ADAM12: variants seen among roughly 807,000 people sequenced by gnomAD.
ADAM12 encodes the protein ADAM metallopeptidase domain 12.
In ADAM12, 70 loss-of-function variants were observed where a neutral mutation model predicts 106.4. The observed-to-expected ratio is 0.66, with a 90% CI of 0.54 to 0.80. The LOEUF is 0.80. Ranked by LOEUF, ADAM12 falls within the 30% of genes least tolerant of loss-of-function variation. The pLI is 0.00. For missense variants in ADAM12, 1,010 were observed against 1,171.9 expected, an observed-to-expected ratio of 0.86 and a Z score of 2.02; for synonymous variants, 420 against 433.5, an observed-to-expected ratio of 0.97 and a Z score of 0.39.
At chr10:126,319,991 G>T (rs1390583207) in intron 2 of ADAM12, among the ~76,000 whole-genome samples, 2 of 152,108 alleles carry the variant, frequency 1.3e-5, no homozygotes, top group Admixed American at 6.5e-5. Context: ...CCATTTACGT[G>T]TGGTGCCCAC....
At chr10:126,039,212 G>C in intron 19 of ADAM12, 82 bp downstream of exon 19, 1 of 1,531,058 alleles carries the variant, frequency 6.5e-7, no homozygotes, top group Non-Finnish European at 8.9e-7. Flanking sequence ...CTCCCAAAGT[G>C]CTGGGATTAC....
intron 3 of ADAM12, among the ~76,000 whole-genome samples, chr10:126,249,325 T>TG (rs1958696940): frequency 6.6e-6 from 1 of 152,026 alleles, no homozygotes; most frequent in Non-Finnish European, 1.5e-5. Flanking sequence ...GCAGTCTAGG[T>TG]GGGGGTTGGT....
In ADAM12 at chr10:126,049,821, G is replaced by A; in HGVS notation, c.1610-152C>T. On this transcript the variant is annotated intron_variant, in intron 14 of 22. Transcript: ENST00000448723. This position sits in a 1 kb window ranked among gnomAD's most constrained non-coding sequence, Gnocchi z 4.4. ...TCATGGTGGGAGCTGGCCAGGGGAA[G>A]CCTAGGGTGTCAGCAGCTCGCATCC... The A allele has an allele frequency of 4.4e-6, 3 of 686,382 alleles. No individual in the cohort carries two copies. The South Asian group carries it at 5.7e-5, about 13-fold the overall frequency. The allele number at this position is 686,382 out of a possible 1,614,324, so 42.5% of individuals were successfully genotyped here. A position where few individuals can be genotyped will look rare whatever the true frequency, so the allele number is the denominator to read the frequency against.
chr10:126,255,958 T>A (rs1958883132), intron 3 of ADAM12, among the ~76,000 whole-genome samples: 1 of 152,148 alleles, frequency 6.6e-6, no homozygotes, highest in African/African-American at 2.4e-5. Flanking sequence ...TGGGTGCCCA[T>A]GGGCATCTCG....
At chr10:126,237,727 G>T (rs528556208) in intron 3 of ADAM12, among the ~76,000 whole-genome samples, 1 of 152,090 alleles carries the variant, frequency 6.6e-6, no homozygotes, top group Non-Finnish European at 1.5e-5. Context: ...CCAATCACAC[G>T]CTGACAATCA....
chr10:126,015,737 A>G lies in ADAM12; in HGVS notation c.*1542T>C, dbSNP rs1953650465. ...CATAGGAAAACTGTTGACCCCCAAA[A>G]GAAGGCTTTCTCATAAAACACTCAG... On this transcript the variant is annotated 3_prime_UTR_variant, in exon 23 of 23. Coordinates refer to ENST00000448723, the MANE Select transcript of ADAM12 (RefSeq NM_001288973.2). 1 of 152,234 alleles carries G rather than the reference A, an allele frequency of 6.6e-6. No homozygotes were observed. Among genetic ancestry groups the G allele is most frequent in the African/African-American group, 2.4e-5 (1 of 41,464 alleles). 9.4% of individuals were successfully genotyped at this position (152,234 alleles called of 1,614,324 possible).
chr10:126,182,953 T>C (rs1957340431), intron 3 of ADAM12, among the ~76,000 whole-genome samples: 1 of 152,144 alleles, frequency 6.6e-6, no homozygotes, highest in Admixed American at 6.5e-5. Flanking sequence ...CAGCAGGAGG[T>C]GAGTGAAGCT....
At position 126,014,652 on chromosome 10, in the gene ADAM12, GACAA is replaced by G. The variant is rs1008157623; in HGVS notation, c.*2623_*2626del. ...AAAACAAACTTAAAAAATTTCAGGA[GACAA>G]ACCTTTCAGCGGAATTGCCTGGAAC... is the stretch of plus-strand genomic sequence containing the variant. On this transcript the variant is annotated 3_prime_UTR_variant, in exon 23 of 23. Coordinates refer to ENST00000448723, the MANE Select transcript of ADAM12 (RefSeq NM_001288973.2). The G allele has an allele frequency of 1.2e-4, 18 of 152,056 alleles. No homozygotes were observed. Among genetic ancestry groups the G allele is most frequent in the African/African-American group, 4.3e-4 (18 of 41,392 alleles). The allele number at this position is 152,056 out of a possible 1,614,324, so 9.4% of individuals were successfully genotyped here.
chr10:126,046,775 T>C (rs994223357), intron 16 of ADAM12, among the ~76,000 whole-genome samples: 1 of 130,146 alleles, frequency 7.7e-6, no homozygotes, highest in African/African-American at 3.1e-5. Context: ...TGCACTCCAG[T>C]CTGGCGACAG....
chr10:126,196,444 T>G lies in ADAM12; in HGVS notation c.261-41139A>C, dbSNP rs1327915178. 2.6e-5 allele frequency among the ~76,000 whole-genome samples: 4 copies of G among 152,330 alleles called. No individual in the cohort carries two copies. The East Asian group carries it at 7.7e-4, about 29-fold the overall frequency. The stretch of plus-strand genomic sequence containing the variant: ...AGCTGCATAAACCTTTGACAGATGC[T>G]CACTATAGGTTTATGTGAGAGCCAT... On this transcript the variant is annotated intron_variant, in intron 3 of 22. Coordinates refer to ENST00000448723, the MANE Select transcript of ADAM12 (RefSeq NM_001288973.2).
intron 21 of ADAM12, among the ~76,000 whole-genome samples, chr10:126,025,425 CA>C (rs1953850793): frequency 6.6e-6 from 1 of 151,752 alleles, no homozygotes; most frequent in African/African-American, 2.4e-5. Context: ...ATAGATGAAG[CA>C]GAGGAAAAAA....
At chr10:126,199,772 A>G (rs541962818) in intron 3 of ADAM12, among the ~76,000 whole-genome samples, 9 of 152,368 alleles carry the variant, frequency 5.9e-5, no homozygotes, top group Admixed American at 2.6e-4. Context: ...ATAAGGATGC[A>G]TTCTTTTAAA....
rs139143919 is a variant in ADAM12 at position 126,179,492 on chromosome 10, A to C, written c.261-24187T>G. Among the ~76,000 whole-genome samples the C allele has an allele frequency of 4.8e-3, 725 of 152,332 alleles. 3 individuals carry two copies. The highest frequency in any genetic ancestry group is 0.014 in the African/African-American group (590 of 41,578). On this transcript the variant is annotated intron_variant, in intron 3 of 22. Transcript: ENST00000448723. ...AAAGTCAATTCTAGAGAGAAAGTTC[A>C]TGCAATTTAGAACTGTTTTGCCCTT...
chr10:126,148,394 T>C (rs1011567304), intron 4 of ADAM12, among the ~76,000 whole-genome samples: 1 of 152,204 alleles, frequency 6.6e-6, no homozygotes, highest in African/African-American at 2.4e-5. Flanking sequence ...AAGCTGCATC[T>C]GGGTCCTCAC....
chr10:126,159,499 T>C (rs1956896575), intron 3 of ADAM12, among the ~76,000 whole-genome samples: 1 of 152,168 alleles, frequency 6.6e-6, no homozygotes. Context: ...GAAATCTTAT[T>C]TGAATGAACA....
At chr10:126,221,003 T>C (rs1958080820) in intron 3 of ADAM12, among the ~76,000 whole-genome samples, 1 of 152,192 alleles carries the variant, frequency 6.6e-6, no homozygotes, top group Non-Finnish European at 1.5e-5. Flanking sequence ...TCCACATCAT[T>C]GGGGCACTTG....
intron 3 of ADAM12, among the ~76,000 whole-genome samples, chr10:126,276,138 G>C (rs147326716): frequency 6.6e-4 from 100 of 152,186 alleles, no homozygotes; most frequent in Middle Eastern, 3.4e-3. Context: ...TGTACTTTTA[G>C]GTAAAACATC....
rs1430216556 is a variant in ADAM12 at position 126,066,721 on chromosome 10, C to A, written c.1409G>T (p.Cys470Phe). 1 of 1,614,136 alleles carries A rather than the reference C, an allele frequency of 6.2e-7. No homozygotes were observed. The highest frequency in any genetic ancestry group is 8.5e-7 in the Non-Finnish European group (1 of 1,179,962). The stretch of plus-strand genomic sequence containing the variant: ...GTTGTAGCTCCGGTGACTCACCTGG[C>A]AGTCTTCACAGCACAGCCCATGTGC... ...VCAHGLCCED[C>F]QLKPAGTACR... The change falls in exon 13 of 23, where the codon TGC becomes TTC. Residue 470 changes from cysteine (C) to phenylalanine (F), a missense_variant. By Grantham distance (205) the Cys-to-Phe change is radical (BLOSUM62 -2). Coordinates refer to ENST00000448723, the MANE Select transcript of ADAM12 (RefSeq NM_001288973.2). This position sits in a 1 kb window ranked among gnomAD's most constrained non-coding sequence, Gnocchi z 5.1.
intron 3 of ADAM12, among the ~76,000 whole-genome samples, chr10:126,162,301 T>G: frequency 6.6e-6 from 1 of 151,430 alleles, no homozygotes; most frequent in African/African-American, 2.4e-5. Flanking sequence ...AGGAGAGGAA[T>G]GGGAAATGGG....
Sources: gnomAD v4.1 joint callset for allele counts (sites outside exome capture counted in the v4.1 genomes callset) on GRCh38, gnomAD v4.1.1 for gene constraint, Gnocchi (gnomAD v3.1) non-coding constraint, MANE v1.5 for transcripts, NCBI Gene and HGNC (gene_info 2026-07-23, HGNC 2026-07-21) for gene names.